CECR2: variants seen among roughly 807,000 people sequenced by gnomAD.
The protein encoded by CECR2 is CECR2 histone acetyl-lysine reader.
CECR2 carries 30 observed loss-of-function variants against 154.5 expected under a neutral mutation model. The ratio of observed to expected loss-of-function variants is 0.19; its 90% CI spans 0.15 to 0.26. The LOEUF is 0.26. CECR2 is among the 10% of genes least tolerant of loss of function. CECR2 has a pLI of 1.00. For synonymous variants in CECR2, 725 were observed against 683.7 expected, an observed-to-expected ratio of 1.06 and a Z score of -0.94; for missense variants, 1,743 against 1,829.3, an observed-to-expected ratio of 0.95 and a Z score of 0.86.
In CECR2 at chr22:17,460,356, C is replaced by T. The variant is rs1436222629; in HGVS notation, c.127-17232C>T. The stretch of plus-strand genomic sequence containing the variant: ...TCCCGACTAGCTGGGATTACAGGTG[C>T]GTGCCACCATGCCCGGCTAAGTTTT... On this transcript the variant is annotated intron_variant, in intron 1 of 18. Coordinates refer to ENST00000262608, the MANE Select transcript of CECR2 (RefSeq NM_001290047.2). 2.6e-5 allele frequency among the ~76,000 whole-genome samples: 4 copies of T among 152,158 alleles called. No individual in the cohort carries two copies. In the East Asian group the frequency reaches 7.7e-4, roughly 29 times the overall value.
chr22:17,397,751 C>A (rs2053834473), intron 1 of CECR2, among the ~76,000 whole-genome samples: 1 of 152,220 alleles, frequency 6.6e-6, no homozygotes, highest in African/African-American at 2.4e-5. Context: ...CCCGCCTCGG[C>A]CTCCCAAAGT....
chr22:17,484,039 C>T (rs899638651), intron 2 of CECR2, among the ~76,000 whole-genome samples: 2 of 152,160 alleles, frequency 1.3e-5, no homozygotes, highest in African/African-American at 4.8e-5. Flanking sequence ...GGTTTGTAGC[C>T]TAGGAGCAGT....
At chr22:17,391,671 T>C (rs1024112672) in intron 1 of CECR2, among the ~76,000 whole-genome samples, 2 of 152,240 alleles carry the variant, frequency 1.3e-5, no homozygotes, top group Non-Finnish European at 2.9e-5. Flanking sequence ...TTATAATCAT[T>C]TGGGAGAAAG....
In CECR2 at chr22:17,461,096, G is replaced by A. The variant is rs148347755; in HGVS notation, c.127-16492G>A. ...ACCCATTACCGCGATGGGTTTCCCC[G>A]GTCGTGCTGCTCTGCCAGCAGCTGT... On this transcript the variant is annotated intron_variant, in intron 1 of 18. Coordinates refer to ENST00000262608, the MANE Select transcript of CECR2 (RefSeq NM_001290047.2). 2.0e-3 allele frequency among the ~76,000 whole-genome samples: 312 copies of A among 152,278 alleles called. 1 individual carries two copies. The highest frequency in any genetic ancestry group is 7.0e-3 in the African/African-American group (293 of 41,562).
chr22:17,438,850 GA>G (rs374811838), intron 1 of CECR2, among the ~76,000 whole-genome samples: 2,118 of 151,738 alleles, frequency 0.014, 44 homozygotes, highest in African/African-American at 0.049. Context: ...TAATCGCTAA[GA>G]AAAAAAAGTT....
chr22:17,490,145 T>G (rs199570402), intron 2 of CECR2, among the ~76,000 whole-genome samples: 125 of 94,448 alleles, frequency 1.3e-3, no homozygotes, highest in Middle Eastern at 8.7e-3. Flanking sequence ...ACTGTTTTTT[T>G]TTTGTGTGTG....
In CECR2 at chr22:17,553,069, C is replaced by T. The variant is rs2146165419; in HGVS notation, c.*229C>T. ...CCTCGGCCAGGGATCTCTTGCACAG[C>T]TGATGTAGACAGTCAGGCAAAACTA... On this transcript the variant is annotated 3_prime_UTR_variant, in exon 19 of 19. Transcript: ENST00000262608. 1 of 966,980 alleles carries T rather than the reference C, an allele frequency of 1.0e-6. No homozygotes were observed. The highest frequency in any genetic ancestry group is 1.4e-6 in the Non-Finnish European group (1 of 732,810). 59.9% of individuals were successfully genotyped at this position (966,980 alleles called of 1,614,324 possible).
chr22:17,410,412 CCT>C (rs1388452451), intron 1 of CECR2, among the ~76,000 whole-genome samples: 9 of 148,960 alleles, frequency 6.0e-5, no homozygotes, highest in Non-Finnish European at 7.4e-5. Flanking sequence ...TTCTGATCCC[CCT>C]GTTTGTATAA....
At position 17,439,582 on chromosome 22, in the gene CECR2, TAAGTA is replaced by T. The variant is rs199672162; in HGVS notation, c.127-38004_127-38000del. 1.8e-4 allele frequency among the ~76,000 whole-genome samples: 28 copies of T among 152,334 alleles called. No individual in the cohort carries two copies. The East Asian group carries it at 5.2e-3, about 28-fold the overall frequency. ...AAAAGATCTGACTGGCAAAAATTAT[TAAGTA>T]ATATCTGTATTGGAAAGGAAAAGGA... is the stretch of plus-strand genomic sequence containing the variant. On this transcript the variant is annotated intron_variant, in intron 1 of 18. Coordinates refer to ENST00000262608, the MANE Select transcript of CECR2 (RefSeq NM_001290047.2).
Position 17,549,545 on chromosome 22 carries a change from G to A in CECR2, c.4258G>A (p.Glu1420Lys), listed in dbSNP as rs757103102. The A allele has an allele frequency of 6.3e-7, 1 of 1,594,186 alleles. No individual in the cohort carries two copies. The highest frequency in any genetic ancestry group is 8.5e-7 in the Non-Finnish European group (1 of 1,170,422). Residue 1420 changes from glutamate to lysine, a missense_variant, in exon 17 of 19, where the codon GAA becomes AAA. This residue lies in a region of CECR2 where 1,250 missense variants were observed against 1,192.1 expected (regional missense o/e 1.05). Coordinates refer to ENST00000262608, the MANE Select transcript of CECR2 (RefSeq NM_001290047.2). ...TRSGIRGPFQEMYRPSGMQMH... is the reference protein window; with the variant it reads ...TRSGIRGPFQKMYRPSGMQMH... Reference sequence around the variant, plus strand: ...AAGTGGAATAAGAGGACCTTTCCAGGAAATGTACAGACCATCAGGGTAAGA... The same window carrying A: ...AAGTGGAATAAGAGGACCTTTCCAGAAAATGTACAGACCATCAGGGTAAGA...
At chr22:17,428,798 T>TTGTGTGTGTGTGTGTGTGTGTG (rs60474818) in intron 1 of CECR2, among the ~76,000 whole-genome samples, 1,491 of 136,328 alleles carry the variant, frequency 0.011, 18 homozygotes, top group African/African-American at 0.022. Flanking sequence ...ATGTTTTTAT[T>TTGTGTGTGTGTGTGTGTGTGTG]TGTGTGTGTG....
chr22:17,415,376 C>T (rs1347767365), intron 1 of CECR2, among the ~76,000 whole-genome samples: 1 of 151,930 alleles, frequency 6.6e-6, no homozygotes, highest in Non-Finnish European at 1.5e-5. Flanking sequence ...TAGCTGGGAT[C>T]ACAGACAGGG....
chr22:17,509,110 G>A (rs962703893), intron 7 of CECR2, among the ~76,000 whole-genome samples: 10 of 152,180 alleles, frequency 6.6e-5, no homozygotes, highest in African/African-American at 2.4e-4. Flanking sequence ...AATTAGTCAG[G>A]CATGGTGATG....
intron 1 of CECR2, among the ~76,000 whole-genome samples, chr22:17,390,645 G>GT (rs1338854216): frequency 9.2e-5 from 14 of 151,806 alleles, no homozygotes; most frequent in African/African-American, 2.9e-4. Context: ...GTTTTGTTTT[G>GT]TTTTGTTTTT....
intron 16 of CECR2, among the ~76,000 whole-genome samples, chr22:17,545,556 G>C (rs1244639240): frequency 6.6e-6 from 1 of 151,620 alleles, no homozygotes; most frequent in African/African-American, 2.4e-5. Flanking sequence ...TAAGATAATA[G>C]ATTCCTGGCT....
intron 1 of CECR2, among the ~76,000 whole-genome samples, chr22:17,382,769 G>C (rs536691993): frequency 7.2e-5 from 11 of 152,098 alleles, no homozygotes; most frequent in Admixed American, 6.6e-4. Context: ...GTTGGGTGTG[G>C]TGGTGTGCAC....
intron 9 of CECR2, 85 bp downstream of exon 9, chr22:17,524,356 T>A (rs751466443): frequency 7.2e-7 from 1 of 1,387,608 alleles, no homozygotes; most frequent in African/African-American, 1.5e-5. Flanking sequence ...AGCTAAGTCC[T>A]GCCATGCATC....
chr22:17,419,047 C>T (rs887360821), intron 1 of CECR2: 2 of 162,758 alleles, frequency 1.2e-5, no homozygotes, highest in South Asian at 2.8e-4. Context: ...GGCGCCTTCC[C>T]AGACGCGGAT....
At chr22:17,407,150 CTT>C (rs1353661933) in intron 1 of CECR2, among the ~76,000 whole-genome samples, 7 of 152,074 alleles carry the variant, frequency 4.6e-5, no homozygotes, top group African/African-American at 1.7e-4. Context: ...AAGATAAACT[CTT>C]TTCATAGCCA....
Sources: gnomAD v4.1 joint callset for allele counts (sites outside exome capture counted in the v4.1 genomes callset) on GRCh38, gnomAD v4.1.1 for gene constraint, gnomAD v4.1.1 regional missense constraint, MANE v1.5 for transcripts, NCBI Gene and HGNC (gene_info 2026-07-23, HGNC 2026-07-21) for gene names.